The following GRAMD2B variants were observed in gnomAD, a reference collection of about 807,000 sequenced individuals.
The protein encoded by GRAMD2B is GRAM domain-containing protein 2B.
GRAMD2B carries 41 observed loss-of-function variants against 59.2 expected under a neutral mutation model. The observed-to-expected ratio is 0.69, with a 90% CI of 0.54 to 0.90. The LOEUF (loss-of-function observed/expected upper bound fraction) is 0.90. GRAMD2B is among the 40% of genes least tolerant of loss of function. GRAMD2B has a pLI of 0.00. For synonymous variants in GRAMD2B, 161 were observed against 182.7 expected, an observed-to-expected ratio of 0.88 and a Z score of 0.96; for missense variants, 424 against 500.5, an observed-to-expected ratio of 0.85 and a Z score of 1.46.
intron 1 of GRAMD2B, among the ~76,000 whole-genome samples, chr5:126,381,478 G>A (rs529695829): frequency 1.3e-5 from 2 of 152,024 alleles, no homozygotes; most frequent in Non-Finnish European, 2.9e-5. Context: ...TTGCTTTAAA[G>A]TTAGTTTTGT....
chr5:126,446,095 A>G (rs1169180277), intron 1 of GRAMD2B, among the ~76,000 whole-genome samples: 2 of 152,218 alleles, frequency 1.3e-5, no homozygotes, highest in South Asian at 2.1e-4. Context: ...ACATTGTGCT[A>G]ATAGTTTCCC....
At chr5:126,393,872 TCCATGA>T (rs1162283761) in intron 1 of GRAMD2B, among the ~76,000 whole-genome samples, 3 of 152,114 alleles carry the variant, frequency 2.0e-5, no homozygotes, top group Admixed American at 6.6e-5. Flanking sequence ...GACCAGGCCT[TCCATGA>T]ACCATCCTGA....
chr5:126,397,839 G>C (rs978396377), intron 1 of GRAMD2B, among the ~76,000 whole-genome samples: 3 of 152,058 alleles, frequency 2.0e-5, no homozygotes, highest in African/African-American at 7.2e-5. Context: ...TTTTCATACA[G>C]TGTCATTGTC....
intron 1 of GRAMD2B, among the ~76,000 whole-genome samples, chr5:126,430,390 C>T (rs1761368248): frequency 6.6e-6 from 1 of 152,152 alleles, no homozygotes; most frequent in African/African-American, 2.4e-5. Context: ...ATAAAATTTA[C>T]CCATTTCCAG....
intron 1 of GRAMD2B, among the ~76,000 whole-genome samples, chr5:126,378,550 C>T (rs1580702869): frequency 6.6e-6 from 1 of 151,846 alleles, no homozygotes; most frequent in East Asian, 1.9e-4. Context: ...CTGGATCTGC[C>T]CTCTGATTAT....
At chr5:126,474,889 C>T (rs1275254681) in intron 5 of GRAMD2B, among the ~76,000 whole-genome samples, 1 of 152,168 alleles carries the variant, frequency 6.6e-6, no homozygotes, top group Admixed American at 6.6e-5. Context: ...AATTAGCAGG[C>T]CATGGGAATA....
intron 1 of GRAMD2B, among the ~76,000 whole-genome samples, chr5:126,449,870 CAT>C (rs1163986948): frequency 6.6e-6 from 1 of 152,036 alleles, no homozygotes; most frequent in Non-Finnish European, 1.5e-5. Context: ...ACTCTGTCCT[CAT>C]ATGTGTGTGG....
chr5:126,365,087 C>T (rs1175142405), intron 1 of GRAMD2B, among the ~76,000 whole-genome samples: 1 of 152,066 alleles, frequency 6.6e-6, no homozygotes, highest in Non-Finnish European at 1.5e-5. Flanking sequence ...TTGTGATTAT[C>T]TCTGGTGGCT....
chr5:126,484,073 C>A (rs186071900), intron 9 of GRAMD2B, among the ~76,000 whole-genome samples: 1 of 152,314 alleles, frequency 6.6e-6, no homozygotes, highest in East Asian at 1.9e-4. Context: ...CGTGATCCAC[C>A]CACTTTGGCC....
At chr5:126,385,212 C>T (rs1344687986) in intron 1 of GRAMD2B, among the ~76,000 whole-genome samples, 6 of 152,050 alleles carry the variant, frequency 3.9e-5, no homozygotes, top group Non-Finnish European at 5.9e-5. Flanking sequence ...AAAATTATAC[C>T]GCAGGCCTTA....
chr5:126,462,908 C>A (rs534464324), intron 1 of GRAMD2B, among the ~76,000 whole-genome samples: 1 of 152,204 alleles, frequency 6.6e-6, no homozygotes, highest in Non-Finnish European at 1.5e-5. Flanking sequence ...ACTTTGAGTA[C>A]ACTGTATGTT....
chr5:126,374,218 C>T (rs1261490867), intron 1 of GRAMD2B, among the ~76,000 whole-genome samples: 2 of 152,218 alleles, frequency 1.3e-5, no homozygotes, highest in Non-Finnish European at 2.9e-5. Context: ...ATTCTGCTGT[C>T]TCAGCAACAC....
chr5:126,391,876 C>A lies in GRAMD2B; in HGVS notation c.125+20309C>A, dbSNP rs74630023. On this transcript the variant is annotated intron_variant, in intron 1 of 8. Transcript: ENST00000506445. Reference sequence around the variant, plus strand: ...GTACTAAAATCACCCGAATTTTACCCTTCAAAAGGGTGAATTTTGTAGTAT... The same window carrying A: ...GTACTAAAATCACCCGAATTTTACCATTCAAAAGGGTGAATTTTGTAGTAT... Among the ~76,000 whole-genome samples, 47 of 152,220 alleles carry A rather than the reference C, an allele frequency of 3.1e-4. No individual in the cohort carries two copies. The East Asian group carries it at 9.1e-3, about 29-fold the overall frequency.
At chr5:126,446,353 T>C (rs1764228918) in intron 1 of GRAMD2B, among the ~76,000 whole-genome samples, 1 of 152,178 alleles carries the variant, frequency 6.6e-6, no homozygotes, top group African/African-American at 2.4e-5. Flanking sequence ...TCTATCTACT[T>C]TGTACCTGTT....
chr5:126,391,361 A>C (rs1381742974), intron 1 of GRAMD2B, among the ~76,000 whole-genome samples: 1 of 145,770 alleles, frequency 6.9e-6, no homozygotes, highest in Non-Finnish European at 1.5e-5. Context: ...GTTATTTGTC[A>C]GTTATAGCTC....
chr5:126,380,162 G>A (rs565731705), intron 1 of GRAMD2B, among the ~76,000 whole-genome samples: 12 of 152,192 alleles, frequency 7.9e-5, no homozygotes, highest in African/African-American at 2.6e-4. Context: ...TGTTGAGTAG[G>A]GTGTCCTTTC....
chr5:126,397,640 T>A (rs1224493053), intron 1 of GRAMD2B, among the ~76,000 whole-genome samples: 1 of 152,224 alleles, frequency 6.6e-6, no homozygotes, highest in Non-Finnish European at 1.5e-5. Flanking sequence ...ATCATGTGGT[T>A]TTCTTCTTTC....
intron 1 of GRAMD2B, chr5:126,433,466 G>T (rs934966066): frequency 1.3e-5 from 2 of 152,164 alleles, no homozygotes; most frequent in Non-Finnish European, 2.9e-5. Flanking sequence ...CTTAACTTTT[G>T]TGTGTGTGTT....
intron 1 of GRAMD2B, among the ~76,000 whole-genome samples, chr5:126,457,191 CAAAAAAAAAAAAAAAA>C (rs559904336): frequency 1.6e-5 from 1 of 63,968 alleles, no homozygotes; most frequent in Non-Finnish European, 2.9e-5. Flanking sequence ...GACTCCGTCT[CAAAAAAAAAAAAAAAA>C]AAAAAAAAAA....
Sources: allele counts gnomAD v4.1 joint callset (sites outside exome capture counted in the v4.1 genomes callset), GRCh38; gene constraint gnomAD v4.1.1; transcripts MANE v1.5; gene names NCBI Gene and HGNC (gene_info 2026-07-23, HGNC 2026-07-21).